CSMD1: variants seen among roughly 807,000 people sequenced by gnomAD.
The protein encoded by CSMD1 is CUB and Sushi multiple domains 1.
CSMD1 carries 213 observed loss-of-function variants against 417.5 expected under a neutral mutation model. That is an observed-to-expected ratio of 0.51 (90% CI 0.46 to 0.57). CSMD1 has a LOEUF of 0.57. Ranked by LOEUF, CSMD1 falls within the 20% of genes least tolerant of loss-of-function variation. The probability of loss-of-function intolerance (pLI) is 0.00; values close to 1 mark genes in which losing one functional copy is unlikely to be tolerated. For synonymous variants in CSMD1, 2,862 were observed against 1,736.8 expected (o/e 1.65, Z -16.11); for missense variants, 6,923 against 4,529.7 (o/e 1.53, Z -15.17).
chr8:4,075,565 T>C (rs1048514365), intron 3 of CSMD1, among the ~76,000 whole-genome samples: 1 of 152,190 alleles, frequency 6.6e-6, no homozygotes, highest in Non-Finnish European at 1.5e-5. Context: ...ACTGGTAAAA[T>C]ATTAAACGAT....
chr8:3,958,413 G>A (rs1474551376), intron 5 of CSMD1, among the ~76,000 whole-genome samples: 3 of 151,188 alleles, frequency 2.0e-5, no homozygotes, highest in African/African-American at 7.3e-5. Context: ...AAAAAATGGT[G>A]AGTTCATGGA....
At chr8:4,520,540 A>G (rs1284882190) in intron 2 of CSMD1, among the ~76,000 whole-genome samples, 2 of 152,158 alleles carry the variant, frequency 1.3e-5, no homozygotes, top group Admixed American at 1.3e-4. Flanking sequence ...CTTAGAAGCC[A>G]GAAAACCTCC....
intron 1 of CSMD1, among the ~76,000 whole-genome samples, chr8:4,692,896 T>G (rs76013276): frequency 0.048 from 7,381 of 152,294 alleles, 241 homozygotes; most frequent in South Asian, 0.1. Flanking sequence ...TCTGACTTAA[T>G]TGCTTAAACA....
intron 2 of CSMD1, among the ~76,000 whole-genome samples, chr8:4,587,349 T>G (rs1799753502): frequency 6.6e-6 from 1 of 152,108 alleles, no homozygotes; most frequent in African/African-American, 2.4e-5. Flanking sequence ...CTGTGAGCTT[T>G]TCAAAGCATC....
intron 3 of CSMD1, among the ~76,000 whole-genome samples, chr8:4,260,371 T>C (rs1267187435): frequency 6.6e-6 from 1 of 152,246 alleles, no homozygotes; most frequent in African/African-American, 2.4e-5. Flanking sequence ...TTGTAGGAGT[T>C]ATTTGTATAC....
chr8:4,561,699 GAC>G (rs1798340034), intron 2 of CSMD1, among the ~76,000 whole-genome samples: 1 of 152,118 alleles, frequency 6.6e-6, no homozygotes. Flanking sequence ...AAAAAAGAGA[GAC>G]AGAGAGAAAA....
chr8:3,502,799 G>C (rs142442765), intron 10 of CSMD1, among the ~76,000 whole-genome samples: 59 of 152,280 alleles, frequency 3.9e-4, no homozygotes, highest in Non-Finnish European at 6.9e-4. Context: ...ACTTTATACA[G>C]TTGCCCAAAT....
At chr8:3,624,315 A>G (rs1176771404) in intron 7 of CSMD1, among the ~76,000 whole-genome samples, 3 of 152,356 alleles carry the variant, frequency 2.0e-5, no homozygotes, top group African/African-American at 7.2e-5. Context: ...CATGGAGAAT[A>G]TAATCCACCT....
chr8:4,136,088 CA>C (rs1803415132), intron 3 of CSMD1, among the ~76,000 whole-genome samples: 1 of 152,266 alleles, frequency 6.6e-6, no homozygotes, highest in African/African-American at 2.4e-5. Context: ...ACTGACTCAG[CA>C]AAAGGACTTC....
chr8:4,959,484 G>A (rs139386771), intron 1 of CSMD1, among the ~76,000 whole-genome samples: 1 of 152,222 alleles, frequency 6.6e-6, no homozygotes, highest in African/African-American at 2.4e-5. Flanking sequence ...AGGATATCCT[G>A]TTTGTTCTAT....
chr8:4,320,692 C>T (rs1224968033), intron 3 of CSMD1, among the ~76,000 whole-genome samples: 1 of 152,120 alleles, frequency 6.6e-6, no homozygotes, highest in Non-Finnish European at 1.5e-5. Context: ...TGAACTCATC[C>T]TTTTTTATGG....
At chr8:4,424,649 G>A (rs151191566) in intron 2 of CSMD1, among the ~76,000 whole-genome samples, 2,688 of 152,080 alleles carry the variant, frequency 0.018, 39 homozygotes, top group Middle Eastern at 0.031. Flanking sequence ...GAAAACTTCC[G>A]AAGAAGTTTG....
intron 2 of CSMD1, among the ~76,000 whole-genome samples, chr8:4,425,606 G>T (rs1397338360): frequency 2.0e-5 from 3 of 152,116 alleles, no homozygotes; most frequent in Non-Finnish European, 4.4e-5. Flanking sequence ...ACTTCTGTGA[G>T]TATCCTTTCC....
chr8:3,177,321 G>A (rs1821003894), intron 37 of CSMD1, among the ~76,000 whole-genome samples: 2 of 152,174 alleles, frequency 1.3e-5, no homozygotes, highest in South Asian at 4.1e-4. Context: ...CTGGAGGCCA[G>A]AAAGAGCTCT....
intron 5 of CSMD1, among the ~76,000 whole-genome samples, chr8:3,778,960 G>A (rs763313755): frequency 2.0e-5 from 3 of 152,070 alleles, no homozygotes; most frequent in African/African-American, 7.2e-5. Context: ...AATCAGCCTT[G>A]GCTTGTGTTC....
rs984583426 is a variant in CSMD1, at chr8:4,273,951, C to G, written c.415+146002G>C. Among the ~76,000 whole-genome samples, 6 of 152,128 alleles carry G rather than the reference C, an allele frequency of 3.9e-5. No individual in the cohort carries two copies. In the South Asian group the frequency reaches 8.3e-4, roughly 21 times the overall value. ...TTTTCTATGGAGGCTGTTGAAGTGT[C>G]CTGGGAGTATTCAGAACGACATTTG... is the stretch of plus-strand genomic sequence containing the variant. On this transcript the variant is annotated intron_variant, in intron 3 of 69. Coordinates refer to ENST00000635120, the MANE Select transcript of CSMD1 (RefSeq NM_033225.6).
chr8:3,581,011 A>G (rs1800359764), intron 9 of CSMD1, among the ~76,000 whole-genome samples: 1 of 152,200 alleles, frequency 6.6e-6, no homozygotes, highest in Non-Finnish European at 1.5e-5. Flanking sequence ...GCTCACAGGT[A>G]ACCACAGTTA....
At chr8:4,941,618 A>C (rs1436942869) in intron 1 of CSMD1, among the ~76,000 whole-genome samples, 1 of 137,040 alleles carries the variant, frequency 7.3e-6, no homozygotes, top group Non-Finnish European at 1.6e-5. Flanking sequence ...ATTTTTTTTG[A>C]GACAGAGCCT....
chr8:4,046,400 G>C (rs964316756), intron 3 of CSMD1, among the ~76,000 whole-genome samples: 1 of 152,070 alleles, frequency 6.6e-6, no homozygotes, highest in African/African-American at 2.4e-5. Flanking sequence ...ACAAATCCAT[G>C]ATTTTCATAT....
Sources: allele counts gnomAD v4.1 joint callset (sites outside exome capture counted in the v4.1 genomes callset), GRCh38; gene constraint gnomAD v4.1.1; transcripts MANE v1.5; gene names NCBI Gene and HGNC (gene_info 2026-07-23, HGNC 2026-07-21).